The following COMMD1 variants were observed in gnomAD, a reference collection of about 807,000 sequenced individuals.
The protein encoded by COMMD1 is COMM domain-containing protein 1.
COMMD1 carries 10 observed loss-of-function variants against 17.2 expected under a neutral mutation model. The ratio of observed to expected loss-of-function variants is 0.58; its 90% CI spans 0.36 to 0.99. The LOEUF (loss-of-function observed/expected upper bound fraction) is 0.99, where lower values mean the gene tolerates loss of function less well. COMMD1 is among the 50% of genes least tolerant of loss of function. The probability of loss-of-function intolerance (pLI) is 0.01; values close to 1 mark genes in which losing one functional copy is unlikely to be tolerated. For missense variants in COMMD1, 270 were observed against 231.8 expected, an observed-to-expected ratio of 1.17 and a Z score of -1.07; for synonymous variants, 97 against 91.6, an observed-to-expected ratio of 1.06 and a Z score of -0.34.
chr2:62,062,749 C>T (rs1192799465), intron 2 of COMMD1, among the ~76,000 whole-genome samples: 2 of 151,956 alleles, frequency 1.3e-5, no homozygotes, highest in East Asian at 1.9e-4. Context: ...CATAGTATTA[C>T]TATTATAGGA....
At chr2:62,086,868 T>A (rs79585875) in intron 2 of COMMD1, among the ~76,000 whole-genome samples, 4 of 151,182 alleles carry the variant, frequency 2.6e-5, no homozygotes, top group Admixed American at 1.3e-4. Flanking sequence ...TTTTTTTTTT[T>A]AATTTGAGAT....
chr2:61,967,810 A>G (rs762007301), intron 1 of COMMD1, among the ~76,000 whole-genome samples: 6 of 152,224 alleles, frequency 3.9e-5, no homozygotes, highest in East Asian at 1.9e-4. Context: ...CTGAATGTCA[A>G]TTGAGAACTG....
intron 2 of COMMD1, among the ~76,000 whole-genome samples, chr2:62,131,719 T>G (rs1673038456): frequency 6.6e-6 from 1 of 152,022 alleles, no homozygotes; most frequent in African/African-American, 2.4e-5. Context: ...ATTTTTATAC[T>G]TTTTTTAGAG....
intron 2 of COMMD1, among the ~76,000 whole-genome samples, chr2:62,116,316 C>G (rs183186051): frequency 3.4e-4 from 52 of 152,192 alleles, no homozygotes; most frequent in African/African-American, 1.1e-3. Flanking sequence ...GTTGCCAAAC[C>G]AAGTTGATGA....
intron 2 of COMMD1, among the ~76,000 whole-genome samples, chr2:62,077,980 A>G (rs774751629): frequency 1.4e-4 from 21 of 152,246 alleles, no homozygotes; most frequent in African/African-American, 4.8e-4. Flanking sequence ...CTGGGTTAAG[A>G]TAAAGAATTG....
chr2:61,976,406 G>A (rs1035338437), intron 1 of COMMD1, among the ~76,000 whole-genome samples: 2 of 152,154 alleles, frequency 1.3e-5, no homozygotes, highest in South Asian at 4.1e-4. Flanking sequence ...AGCAAGAAAA[G>A]TTATTAGGGA....
At chr2:61,993,936 TAATTA>T (rs1280306304) in intron 1 of COMMD1, among the ~76,000 whole-genome samples, 1 of 152,206 alleles carries the variant, frequency 6.6e-6, no homozygotes, top group Non-Finnish European at 1.5e-5. Flanking sequence ...TAATTTGACT[TAATTA>T]TAGTATATTA....
intron 2 of COMMD1, among the ~76,000 whole-genome samples, chr2:62,123,599 A>T (rs1672812050): frequency 6.6e-6 from 1 of 151,810 alleles, no homozygotes. Flanking sequence ...GAGGGTATGG[A>T]TCAGCAAATC....
At chr2:61,946,824 T>C (rs1364353519) in intron 1 of COMMD1, among the ~76,000 whole-genome samples, 1 of 152,194 alleles carries the variant, frequency 6.6e-6, no homozygotes, top group African/African-American at 2.4e-5. Flanking sequence ...TGTCCTTTTC[T>C]CTTTCTCATT....
intron 1 of COMMD1, among the ~76,000 whole-genome samples, chr2:61,939,645 CAT>C (rs1670690004): frequency 6.6e-6 from 1 of 152,082 alleles, no homozygotes; most frequent in African/African-American, 2.4e-5. Flanking sequence ...ACTATATTGT[CAT>C]AAAATCACAA....
At position 61,961,672 on chromosome 2, in the gene COMMD1, G is replaced by C. The variant is rs558092892; in HGVS notation, c.181-39029G>C. Among the ~76,000 whole-genome samples the C allele has an allele frequency of 6.6e-5, 10 of 152,064 alleles. No homozygotes were observed. The East Asian group carries it at 1.7e-3, about 26-fold the overall frequency. Reference sequence around the variant, plus strand: ...TCCCTCTTCTAATTTTGAAACTCCTGTTATTCATGGTTGGACCTTCTTGCT... The same window carrying C: ...TCCCTCTTCTAATTTTGAAACTCCTCTTATTCATGGTTGGACCTTCTTGCT... On this transcript the variant is annotated intron_variant, in intron 1 of 2. Coordinates refer to ENST00000311832, the MANE Select transcript of COMMD1 (RefSeq NM_152516.4).
chr2:62,008,820 G>C (rs1459985905), intron 2 of COMMD1, among the ~76,000 whole-genome samples: 1 of 151,964 alleles, frequency 6.6e-6, no homozygotes, highest in African/African-American at 2.4e-5. Flanking sequence ...TCCCTCTGTT[G>C]CCCAGGCAGG....
At chr2:62,059,090 C>G (rs937544354) in intron 2 of COMMD1, among the ~76,000 whole-genome samples, 13 of 152,108 alleles carry the variant, frequency 8.5e-5, no homozygotes, top group Non-Finnish European at 7.4e-5. Context: ...AAATTTTCTT[C>G]TTAAGGTTGA....
At chr2:62,063,868 A>AATAAATATATATATATATATATATATAT (rs1553385536) in intron 2 of COMMD1, among the ~76,000 whole-genome samples, 1 of 81,176 alleles carries the variant, frequency 1.2e-5, no homozygotes, top group African/African-American at 4.9e-5. Context: ...GTCTCTACAA[A>AATAAATATATATATATATATATATATAT]ATATATATAT....
chr2:61,907,231 C>T (rs1669795388), intron 1 of COMMD1, among the ~76,000 whole-genome samples: 1 of 152,112 alleles, frequency 6.6e-6, no homozygotes, highest in African/African-American at 2.4e-5. Context: ...CTCAGCCTCC[C>T]GAGTAGCTGG....
rs182347000 is a variant in COMMD1 at position 62,022,923 on chromosome 2, A to T, written c.462+21941A>T. Among the ~76,000 whole-genome samples, 505 of 152,308 alleles carry T rather than the reference A, an allele frequency of 3.3e-3. 1 individual carries two copies. The highest frequency in any genetic ancestry group is 4.1e-3 in the Non-Finnish European group (280 of 68,022). ...AATGTACTTCATGGACACCATTTAT[A>T]TAAAGCTTTTCAGAATATCCAGTTC... On this transcript the variant is annotated intron_variant, in intron 2 of 2. Transcript: ENST00000311832.
intron 1 of COMMD1, among the ~76,000 whole-genome samples, chr2:61,975,118 C>CATTTTTTT (rs1671760042): frequency 1.2e-5 from 1 of 80,166 alleles, no homozygotes. Context: ...TCATTTCTTT[C>CATTTTTTT]TTTTTTTTTT....
intron 1 of COMMD1, among the ~76,000 whole-genome samples, chr2:61,889,522 C>T (rs1316327029): frequency 1.3e-5 from 2 of 152,162 alleles, no homozygotes; most frequent in Non-Finnish European, 2.9e-5. Flanking sequence ...GAGGTGCCCT[C>T]CTTTAACTCC....
intron 2 of COMMD1, among the ~76,000 whole-genome samples, chr2:62,112,146 T>A (rs1382751470): frequency 6.6e-6 from 1 of 152,228 alleles, no homozygotes; most frequent in Admixed American, 6.5e-5. Flanking sequence ...CTTTGCCAGT[T>A]TCTTCATGGT....
Sources: gnomAD v4.1 joint callset for allele counts (sites outside exome capture counted in the v4.1 genomes callset) on GRCh38, gnomAD v4.1.1 for gene constraint, MANE v1.5 for transcripts, NCBI Gene and HGNC (gene_info 2026-07-23, HGNC 2026-07-21) for gene names.